DNMT1: variants seen among roughly 807,000 people sequenced by gnomAD.
DNMT1 encodes the protein DNA (cytosine-5)-methyltransferase 1.
Under a neutral mutation model 205.3 loss-of-function variants are expected in DNMT1, and 24 were observed. That is an observed-to-expected ratio of 0.12 (90% CI 0.08 to 0.16). The LOEUF (loss-of-function observed/expected upper bound fraction) is 0.16, where lower values mean the gene tolerates loss of function less well. Ranked by LOEUF, DNMT1 falls within the 10% of genes least tolerant of loss-of-function variation. The pLI is 1.00. For synonymous variants in DNMT1, 817 were observed against 839.8 expected, an observed-to-expected ratio of 0.97 and a Z score of 0.47; for missense variants, 1,293 against 2,177.7, an observed-to-expected ratio of 0.59 and a Z score of 8.09.
Position 10,162,696 on chromosome 19 carries a change from T to C in DNMT1, c.979A>G (p.Ile327Val), listed in dbSNP as rs2228612. The change falls in exon 13 of 41, where the codon ATT becomes GTT. Residue 327 changes from isoleucine (I) to valine (V), a missense_variant. Ile to Val is a conservative substitution (Grantham distance 29, BLOSUM62 3). Transcript: ENST00000359526. ...TCATCCTCGTCTTTTTCATCAGAAA[T>C]CTGTGGATTTACTTTTTCAGGTTCT... ...EKEPEKVNPQ[I>V]SDEKDEDEKE... The C allele has an allele frequency of 0.092, 148,211 of 1,612,042 alleles. 10,725 individuals carry two copies. Among genetic ancestry groups the C allele is most frequent in the East Asian group, 0.37 (16,614 of 44,806 alleles).
chr19:10,175,084 TACACACACACACACACACAC>T (rs201133845), intron 7 of DNMT1, among the ~76,000 whole-genome samples: 5 of 113,904 alleles, frequency 4.4e-5, no homozygotes, highest in African/African-American at 1.6e-4. Flanking sequence ...CATACATACA[TACACACACACACACACACAC>T]ACACACACAC....
intron 22 of DNMT1, among the ~76,000 whole-genome samples, chr19:10,152,357 C>T (rs963321961): frequency 6.6e-6 from 1 of 151,004 alleles, no homozygotes; most frequent in Non-Finnish European, 1.5e-5. Context: ...GGCATGGTGG[C>T]TCATACCTGA....
intron 1 of DNMT1, among the ~76,000 whole-genome samples, chr19:10,183,074 T>C (rs562350417): frequency 4.8e-5 from 7 of 146,748 alleles, no homozygotes; most frequent in Non-Finnish European, 5.9e-5. Flanking sequence ...TGTATACATA[T>C]GTGTGTGTAT....
chr19:10,169,536 G>A (rs900968146), intron 9 of DNMT1, among the ~76,000 whole-genome samples: 3 of 151,766 alleles, frequency 2.0e-5, no homozygotes, highest in East Asian at 1.9e-4. Flanking sequence ...CAGCCTGGGC[G>A]ACAAGAGCGA....
At chr19:10,194,740 G>C in intron 1 of DNMT1, 80 bp downstream of exon 1, 1 of 1,494,846 alleles carries the variant, frequency 6.7e-7, no homozygotes, top group Admixed American at 2.3e-5. Flanking sequence ...AGCGGCCACC[G>C]GCCACCCCGA....
Position 10,166,502 on chromosome 19 carries a change from G to A in DNMT1, c.891+96C>T, listed in dbSNP as rs184544356. The A allele has an allele frequency of 3.1e-5, 46 of 1,461,274 alleles. No homozygotes were observed. In the East Asian group the frequency reaches 9.4e-4, roughly 30 times the overall value. 90.5% of individuals were successfully genotyped at this position (1,461,274 alleles called of 1,614,324 possible). A position where few individuals can be genotyped will look rare whatever the true frequency, so the allele number is the denominator to read the frequency against. The stretch of plus-strand genomic sequence containing the variant: ...CCATGGAGCCTGGGTGGATGGGGCT[G>A]GACTTGAACCCAGAGCCCCACCCTG... On this transcript the variant is annotated intron_variant, in intron 11 of 40. Coordinates refer to ENST00000359526, the MANE Select transcript of DNMT1 (RefSeq NM_001130823.3).
At chr19:10,168,712 T>G (rs2038742645) in intron 9 of DNMT1, among the ~76,000 whole-genome samples, 1 of 152,240 alleles carries the variant, frequency 6.6e-6, no homozygotes, top group African/African-American at 2.4e-5. Flanking sequence ...TAAGTGTTGA[T>G]AGCCTCACAG....
chr19:10,164,913 TAAAAAAAAAAAAAAAAAAAAAAAAAAAAA>T (rs535161745), intron 11 of DNMT1, among the ~76,000 whole-genome samples: 5 of 34,032 alleles, frequency 1.5e-4, no homozygotes, highest in East Asian at 2.3e-3. Flanking sequence ...GAGACTATCT[TAAAAAAAAAAAAAAAAAAAAAAAAAAAAA>T]AAAAAAAAAA....
chr19:10,135,848 C>T lies in DNMT1; in HGVS notation c.4661G>A (p.Arg1554His). Residue 1554 changes from arginine to histidine, a missense_variant, in exon 39 of 41, where the codon CGC becomes CAC. By Grantham distance (29) the Arg-to-His change is conservative (BLOSUM62 0). This residue lies in a region of DNMT1 where 24 missense variants were observed against 58.0 expected (regional missense o/e 0.41). Transcript: ENST00000359526. ...TNPEPMGKQG[R>H]VLHPEQHRVV... ...ACGGTGCTGCTCTGGGTGGAGCACG[C>T]GGCCCTGGGGGAAAGAGGCGCGGTG... 2 of 1,551,648 alleles carry T rather than the reference C, an allele frequency of 1.3e-6. No homozygotes were observed. Among genetic ancestry groups the T allele is most frequent in the Non-Finnish European group, 1.7e-6 (2 of 1,150,960 alleles).
chr19:10,133,659 G>A lies in DNMT1; in HGVS notation c.*8C>T, dbSNP rs1226187929. ...GGTGCCAGAAACAGGGGTGACGGGAGGGCAGAACTAGTCCTTAGCAGCTTC... is the reference window on the plus strand; with the variant it reads ...GGTGCCAGAAACAGGGGTGACGGGAAGGCAGAACTAGTCCTTAGCAGCTTC... On this transcript the variant is annotated 3_prime_UTR_variant, in exon 41 of 41. Transcript: ENST00000359526. This position sits in a 1 kb window ranked among gnomAD's most constrained non-coding sequence, Gnocchi z 4.1. 1.3e-6 allele frequency: 2 copies of A among 1,598,812 alleles called. No individual in the cohort carries two copies. The highest frequency in any genetic ancestry group is 1.3e-5 in the African/African-American group (1 of 74,550).
At chr19:10,185,824 A>T (rs2039167086) in intron 1 of DNMT1, among the ~76,000 whole-genome samples, 1 of 150,342 alleles carries the variant, frequency 6.7e-6, no homozygotes. Context: ...GGGCAACAGA[A>T]CAAGACCCTG....
In DNMT1 at chr19:10,133,645, CAG is replaced by C. The variant is rs768825123; in HGVS notation, c.*20_*21del. 4 of 1,595,806 alleles carry C rather than the reference CAG, an allele frequency of 2.5e-6. No individual in the cohort carries two copies. Among genetic ancestry groups the C allele is most frequent in the Admixed American group, 1.7e-5 (1 of 57,940 alleles). On this transcript the variant is annotated 3_prime_UTR_variant, in exon 41 of 41. Coordinates refer to ENST00000359526, the MANE Select transcript of DNMT1 (RefSeq NM_001130823.3). This position sits in a 1 kb window ranked among gnomAD's most constrained non-coding sequence, Gnocchi z 4.1. ...TGTTGGGGATTCCTGGTGCCAGAAACAGGGGTGACGGGAGGGCAGAACTAGTC... is the reference window on the plus strand; with the variant it reads ...TGTTGGGGATTCCTGGTGCCAGAAACGGGTGACGGGAGGGCAGAACTAGTC...
rs576877219 is a variant in DNMT1, at chr19:10,134,221, G to A, written c.4860C>T (p.Ala1620=). 1.1e-4 allele frequency: 173 copies of A among 1,614,226 alleles called. 1 individual carries two copies. In the South Asian group the frequency reaches 1.8e-3, roughly 17 times the overall value. Residue 1620 remains alanine (A), a synonymous_variant, in exon 40 of 41, where the codon GCC becomes GCT. Transcript: ENST00000359526. ...LCMLAKARES[A]SAKIKEEEAA... ...GCCTGGCCCACCCCACCATACCTGA[G>A]GCACTCTCTCGGGCTTTGGCCAACA...
chr19:10,137,052 A>C lies in DNMT1; in HGVS notation c.4489+33T>G. On this transcript the variant is annotated intron_variant, in intron 37 of 40. Coordinates refer to ENST00000359526, the MANE Select transcript of DNMT1 (RefSeq NM_001130823.3). The surrounding 1 kb of genome is among the most constrained non-coding windows in gnomAD (Gnocchi z 6.4). ...CCAGGGCTCTGCCTTCCTTCCCCTC[A>C]GCCCACCGGGAACCACAACTTACAG... 6.2e-7 allele frequency: 1 copy of C among 1,602,240 alleles called. No homozygotes were observed. The highest frequency in any genetic ancestry group is 8.5e-7 in the Non-Finnish European group (1 of 1,175,102).
intron 13 of DNMT1, 90 bp downstream of exon 13, chr19:10,162,577 T>C: frequency 7.1e-7 from 1 of 1,413,346 alleles, no homozygotes; most frequent in Non-Finnish European, 9.6e-7. Flanking sequence ...GTCTTCTTTT[T>C]CCTAAGACCA....
chr19:10,182,997 GTA>G (rs1205926819), intron 1 of DNMT1, among the ~76,000 whole-genome samples: 1 of 147,516 alleles, frequency 6.8e-6, no homozygotes, highest in African/African-American at 2.5e-5. Context: ...ATATATACAC[GTA>G]TATGTGTGTA....
chr19:10,170,997 G>A lies in DNMT1; in HGVS notation c.768+2093C>T, dbSNP rs963978555. Reference sequence around the variant, plus strand: ...TGATTTTTGTATTTTTTGCAGAGACGGGGTCTCACTACATTGCCCAGGCTG... The same window carrying A: ...TGATTTTTGTATTTTTTGCAGAGACAGGGTCTCACTACATTGCCCAGGCTG... On this transcript the variant is annotated intron_variant, in intron 9 of 40. Transcript: ENST00000359526. 3.9e-5 allele frequency among the ~76,000 whole-genome samples: 6 copies of A among 151,958 alleles called. 1 individual carries two copies. The highest frequency in any genetic ancestry group is 2.1e-4 in the South Asian group (1 of 4,806).
chr19:10,135,919 A>G, intron 38 of DNMT1, 67 bp from the exon 39 acceptor site: 2 of 1,516,692 alleles, frequency 1.3e-6, no homozygotes, highest in Non-Finnish European at 1.8e-6. Context: ...GGGGACAGGG[A>G]GGGAAATGGC....
In DNMT1 at chr19:10,140,201, C is replaced by T; in HGVS notation, c.3651G>A (p.Gly1217=). 3 of 1,614,032 alleles carry T rather than the reference C, an allele frequency of 1.9e-6. No homozygotes were observed. The South Asian group carries it at 3.3e-5, about 18-fold the overall frequency. ...CNILLKLVMA[G]ETTNSRGQRL... ...GCTGGCCGCGGGAGTTGGTGGTCTC[C>T]CCAGCCATGACCAGCTTCAGCAGGA... The change falls in exon 33 of 41, where the codon GGG becomes GGA. Residue 1217 remains glycine, a synonymous_variant. Transcript: ENST00000359526. This position sits in a 1 kb window ranked among gnomAD's most constrained non-coding sequence, Gnocchi z 8.4.
Sources: allele counts gnomAD v4.1 joint callset (sites outside exome capture counted in the v4.1 genomes callset), GRCh38; gene constraint gnomAD v4.1.1; regional missense constraint gnomAD v4.1.1; non-coding constraint Gnocchi (gnomAD v3.1); transcripts MANE v1.5; gene names NCBI Gene and HGNC (gene_info 2026-07-23, HGNC 2026-07-21).